PPA2: variants seen among roughly 807,000 people sequenced by gnomAD.
PPA2 encodes the protein inorganic pyrophosphatase 2.
PPA2 carries 48 observed loss-of-function variants against 49.5 expected under a neutral mutation model. The ratio of observed to expected loss-of-function variants is 0.97; its 90% CI spans 0.77 to 1.23. The LOEUF (loss-of-function observed/expected upper bound fraction) is 1.23. PPA2 is among the 50% of genes most tolerant of loss of function. The probability of loss-of-function intolerance (pLI) is 0.00; values close to 1 mark genes in which losing one functional copy is unlikely to be tolerated. For synonymous variants in PPA2, 131 were observed against 139.9 expected (o/e 0.94, Z 0.45); for missense variants, 429 against 410.1 (o/e 1.05, Z -0.40).
chr4:105,455,803 G>A (rs1221082135), intron 2 of PPA2, among the ~76,000 whole-genome samples: 1 of 152,108 alleles, frequency 6.6e-6, no homozygotes, highest in Non-Finnish European at 1.5e-5. Context: ...TTCTTCAGTG[G>A]CCTCTGCCCC....
chr4:105,429,821 T>C (rs1358760297), intron 6 of PPA2, among the ~76,000 whole-genome samples: 1 of 152,174 alleles, frequency 6.6e-6, no homozygotes, highest in Non-Finnish European at 1.5e-5. Context: ...CGGTTACTAG[T>C]GAAAAGTAAA....
intron 7 of PPA2, among the ~76,000 whole-genome samples, chr4:105,412,890 G>A (rs568470642): frequency 4.6e-5 from 7 of 152,340 alleles, no homozygotes; most frequent in Admixed American, 1.3e-4. Flanking sequence ...TGGTGGGAGT[G>A]TAAATTAGTT....
At chr4:105,379,402 T>C (rs1356037948) in intron 10 of PPA2, among the ~76,000 whole-genome samples, 1 of 151,068 alleles carries the variant, frequency 6.6e-6, no homozygotes, top group East Asian at 1.9e-4. Flanking sequence ...TATATATCTA[T>C]ATGTGTGTAT....
At chr4:105,388,594 G>A (rs570533412) in intron 9 of PPA2, among the ~76,000 whole-genome samples, 2 of 152,208 alleles carry the variant, frequency 1.3e-5, no homozygotes, top group African/African-American at 4.8e-5. Context: ...GGAGGCCAAG[G>A]TGGGCAGATT....
chr4:105,436,058 C>T (rs967062081), intron 6 of PPA2, among the ~76,000 whole-genome samples: 5 of 152,068 alleles, frequency 3.3e-5, no homozygotes, highest in Admixed American at 6.6e-5. Context: ...CTAGGAAACC[C>T]TAAAGGCTCC....
intron 1 of PPA2, chr4:105,473,632 G>T: frequency 2.8e-6 from 2 of 714,402 alleles, no homozygotes; most frequent in Non-Finnish European, 5.1e-6. Flanking sequence ...GCAGGGCACA[G>T]GGCGCTATCT....
intron 6 of PPA2, among the ~76,000 whole-genome samples, chr4:105,437,679 T>C (rs1165382465): frequency 6.6e-6 from 1 of 152,212 alleles, no homozygotes; most frequent in Non-Finnish European, 1.5e-5. Flanking sequence ...ACCGTCGTAG[T>C]GTAAAAGCAG....
intron 7 of PPA2, among the ~76,000 whole-genome samples, chr4:105,410,451 A>T (rs996962626): frequency 1.3e-5 from 2 of 152,234 alleles, no homozygotes; most frequent in African/African-American, 4.8e-5. Context: ...GTGTACCTGA[A>T]AGTGACGAGG....
At chr4:105,400,194 T>C (rs1490051984) in intron 7 of PPA2, among the ~76,000 whole-genome samples, 4 of 152,206 alleles carry the variant, frequency 2.6e-5, no homozygotes, top group Admixed American at 1.3e-4. Flanking sequence ...ATTAAAATTA[T>C]ACTGTTTTGT....
chr4:105,464,239 C>T (rs1310506196), intron 1 of PPA2, among the ~76,000 whole-genome samples: 2 of 152,226 alleles, frequency 1.3e-5, no homozygotes, highest in Non-Finnish European at 2.9e-5. Context: ...TCATTTGGAG[C>T]TTTAATATTT....
chr4:105,461,172 T>C (rs200182067), intron 1 of PPA2, among the ~76,000 whole-genome samples: 1 of 105,946 alleles, frequency 9.4e-6, no homozygotes. Context: ...GGCAACTGAA[T>C]GATGAGGCTC....
chr4:105,409,616 G>A (rs890170613), intron 7 of PPA2, among the ~76,000 whole-genome samples: 7 of 152,304 alleles, frequency 4.6e-5, no homozygotes, highest in South Asian at 2.1e-4. Context: ...CCATGTAGCC[G>A]GACTGGCAGA....
intron 6 of PPA2, among the ~76,000 whole-genome samples, chr4:105,431,509 T>G (rs1319565238): frequency 6.6e-6 from 1 of 152,190 alleles, no homozygotes; most frequent in Non-Finnish European, 1.5e-5. Flanking sequence ...GGAGTTAACA[T>G]GCTGGGGAAA....
intron 6 of PPA2, among the ~76,000 whole-genome samples, chr4:105,435,379 T>C (rs1303367099): frequency 6.6e-6 from 1 of 152,156 alleles, no homozygotes; most frequent in Non-Finnish European, 1.5e-5. Context: ...TTCACCCAGA[T>C]ACAAGAAATT....
intron 7 of PPA2, among the ~76,000 whole-genome samples, chr4:105,420,131 C>T (rs997832801): frequency 3.3e-5 from 5 of 152,104 alleles, no homozygotes; most frequent in African/African-American, 1.2e-4. Context: ...TGCCACCACA[C>T]CCAGCTAATT....
At chr4:105,461,221 C>T (rs1723077270) in intron 1 of PPA2, among the ~76,000 whole-genome samples, 1 of 152,202 alleles carries the variant, frequency 6.6e-6, no homozygotes, top group South Asian at 2.1e-4. Context: ...TCATAAAGGG[C>T]TGCAACCTGC....
intron 10 of PPA2, among the ~76,000 whole-genome samples, chr4:105,383,059 T>C (rs1446580550): frequency 6.6e-6 from 1 of 152,154 alleles, no homozygotes; most frequent in African/African-American, 2.4e-5. Flanking sequence ...ACATACAGGG[T>C]CCTGTTGCCA....
At chr4:105,395,911 T>C (rs1463498445) in intron 9 of PPA2, among the ~76,000 whole-genome samples, 1 of 152,154 alleles carries the variant, frequency 6.6e-6, no homozygotes, top group Non-Finnish European at 1.5e-5. Flanking sequence ...ATAAGGAGGC[T>C]TTTACTTTCT....
chr4:105,447,592 C>G (rs1027695385), intron 4 of PPA2, among the ~76,000 whole-genome samples: 3 of 152,102 alleles, frequency 2.0e-5, no homozygotes, highest in African/African-American at 7.2e-5. Context: ...TAAGTTATTC[C>G]ATACTGTATT....
Sources: gnomAD v4.1 joint callset for allele counts (sites outside exome capture counted in the v4.1 genomes callset) on GRCh38, gnomAD v4.1.1 for gene constraint, MANE v1.5 for transcripts, NCBI Gene and HGNC (gene_info 2026-07-23, HGNC 2026-07-21) for gene names.